The following KTN1 variants were observed in gnomAD, a reference collection of about 807,000 sequenced individuals.
The protein encoded by KTN1 is kinectin.
KTN1 carries 130 observed loss-of-function variants against 222.5 expected under a neutral mutation model. The observed-to-expected ratio is 0.58, with a 90% CI of 0.51 to 0.68. The LOEUF (loss-of-function observed/expected upper bound fraction) is 0.68, where lower values mean the gene tolerates loss of function less well. Ranked by LOEUF, KTN1 falls within the 30% of genes least tolerant of loss-of-function variation. The pLI is 0.00. For missense variants in KTN1, 1,508 were observed against 1,500.4 expected (o/e 1.01, Z -0.08); for synonymous variants, 512 against 496.3 (o/e 1.03, Z -0.42).
chr14:55,622,907 A>T (rs190501379), intron 5 of KTN1, among the ~76,000 whole-genome samples: 1 of 152,122 alleles, frequency 6.6e-6, no homozygotes, highest in Non-Finnish European at 1.5e-5. Flanking sequence ...AGCCTCATCT[A>T]ATGACATTTT....
intron 29 of KTN1, among the ~76,000 whole-genome samples, chr14:55,657,512 T>C (rs1283199251): frequency 1.3e-5 from 2 of 152,106 alleles, no homozygotes; most frequent in Non-Finnish European, 2.9e-5. Flanking sequence ...CTGACTTCAT[T>C]TGTGTTTTTC....
At chr14:55,625,761 C>A (rs1167831489) in intron 5 of KTN1, among the ~76,000 whole-genome samples, 1 of 152,034 alleles carries the variant, frequency 6.6e-6, no homozygotes, top group Non-Finnish European at 1.5e-5. Flanking sequence ...TCCAGAATTT[C>A]ATTTTTTTTT....
At chr14:55,584,348 TC>T (rs1302113809) in intron 1 of KTN1, among the ~76,000 whole-genome samples, 1 of 152,160 alleles carries the variant, frequency 6.6e-6, no homozygotes, top group Non-Finnish European at 1.5e-5. Flanking sequence ...GACGAAAAGC[TC>T]TGCCCTGATA....
At chr14:55,595,067 G>A (rs2034791144) in intron 1 of KTN1, among the ~76,000 whole-genome samples, 1 of 152,216 alleles carries the variant, frequency 6.6e-6, no homozygotes, top group African/African-American at 2.4e-5. Flanking sequence ...CAGAAAAGAC[G>A]GAGTTGTAGG....
chr14:55,683,321 G>A (rs1354029381), intron 43 of KTN1: 3 of 152,114 alleles, frequency 2.0e-5, no homozygotes, highest in Non-Finnish European at 4.4e-5. Context: ...TACAACACCC[G>A]TAAACCCTCC....
At chr14:55,666,569 T>G (rs2044771379) in intron 33 of KTN1, among the ~76,000 whole-genome samples, 1 of 151,988 alleles carries the variant, frequency 6.6e-6, no homozygotes, top group Admixed American at 6.6e-5. Flanking sequence ...ACATTTAGAC[T>G]TAGACATTTG....
At chr14:55,586,431 T>C (rs2033018518) in intron 1 of KTN1, among the ~76,000 whole-genome samples, 1 of 152,178 alleles carries the variant, frequency 6.6e-6, no homozygotes, top group Non-Finnish European at 1.5e-5. Flanking sequence ...TCATATCATA[T>C]CATATTTAAT....
At chr14:55,617,881 A>G in intron 3 of KTN1, 83 bp from the exon 4 acceptor site, 1 of 1,023,842 alleles carries the variant, frequency 9.8e-7, no homozygotes, top group South Asian at 1.9e-5. Context: ...AAAGAACTGC[A>G]TTTATCATTA....
intron 5 of KTN1, among the ~76,000 whole-genome samples, chr14:55,626,208 CA>C (rs532496956): frequency 2.8e-4 from 40 of 143,176 alleles, no homozygotes; most frequent in Admixed American, 9.7e-4. Context: ...ATATCTTTAA[CA>C]AAAAAAAAAA....
chr14:55,626,309 G>A (rs943699984), intron 5 of KTN1, among the ~76,000 whole-genome samples: 2 of 151,702 alleles, frequency 1.3e-5, no homozygotes, highest in African/African-American at 2.4e-5. Flanking sequence ...TGTTTACAGC[G>A]GCATGTGCTT....
rs1394528479 is a variant in KTN1, at chr14:55,612,014, T to C, written c.-30-5T>C. The C allele has an allele frequency of 1.6e-6, 2 of 1,234,828 alleles. No individual in the cohort carries two copies. Among genetic ancestry groups the C allele is most frequent in the African/African-American group, 1.6e-5 (1 of 64,426 alleles). The allele number at this position is 1,234,828 out of a possible 1,614,324, so 76.5% of individuals were successfully genotyped here. On this transcript the variant is annotated splice_polypyrimidine_tract_variant and splice_region_variant and intron_variant, in intron 1 of 43. Transcript: ENST00000395314. Reference sequence around the variant, plus strand: ...TTTTTTGTCCCCACCTTCTTCCCTATTTAGGTTTTATAGGATCACATTGAC... The same window carrying C: ...TTTTTTGTCCCCACCTTCTTCCCTACTTAGGTTTTATAGGATCACATTGAC...
intron 1 of KTN1, among the ~76,000 whole-genome samples, chr14:55,580,884 G>A (rs1201931499): frequency 6.6e-6 from 1 of 152,170 alleles, no homozygotes; most frequent in Non-Finnish European, 1.5e-5. Flanking sequence ...TGCCTCCGGC[G>A]GTCTGGGCGC....
chr14:55,659,698 A>G lies in KTN1; in HGVS notation c.2994A>G (p.Leu998=), dbSNP rs1282636085. 2 of 1,478,144 alleles carry G rather than the reference A, an allele frequency of 1.4e-6. No individual in the cohort carries two copies. The highest frequency in any genetic ancestry group is 1.1e-5 in the South Asian group (1 of 87,852). 91.6% of individuals were successfully genotyped at this position (1,478,144 alleles called of 1,614,324 possible). A position where few individuals can be genotyped will look rare whatever the true frequency, so the allele number is the denominator to read the frequency against. The change falls in exon 31 of 44, where the codon TTA becomes TTG. Residue 998 remains leucine (L), a synonymous_variant. Transcript: ENST00000395314. The part of the protein sequence containing the change: ...ASSFPPHEEL[L]KVISEREKEI... ...CTTTTCCCCCTCATGAAGAATTATT[A>G]AAAGTGTAAGTAATAAGTTTGAGTC...
intron 32 of KTN1, among the ~76,000 whole-genome samples, chr14:55,662,545 C>T (rs2044264034): frequency 6.6e-6 from 1 of 152,166 alleles, no homozygotes; most frequent in African/African-American, 2.4e-5. Flanking sequence ...TAACTTTTCT[C>T]ATACCAGAGG....
intron 1 of KTN1, among the ~76,000 whole-genome samples, chr14:55,610,746 T>C (rs1385296285): frequency 6.6e-6 from 1 of 152,260 alleles, no homozygotes; most frequent in Non-Finnish European, 1.5e-5. Context: ...ATGTGGCTTA[T>C]GCATGTTTGT....
intron 18 of KTN1, among the ~76,000 whole-genome samples, chr14:55,642,398 C>G (rs1325589563): frequency 1.3e-5 from 2 of 152,152 alleles, no homozygotes; most frequent in African/African-American, 2.4e-5. Flanking sequence ...AAAACTATAT[C>G]AGCTTTGAAT....
chr14:55,588,387 A>T (rs1333032468), intron 1 of KTN1, among the ~76,000 whole-genome samples: 1 of 152,162 alleles, frequency 6.6e-6, no homozygotes, highest in South Asian at 2.1e-4. Flanking sequence ...TTTCCTTGTC[A>T]TGACTTTTCT....
At chr14:55,631,650 G>A (rs1178633556) in intron 7 of KTN1, among the ~76,000 whole-genome samples, 1 of 151,970 alleles carries the variant, frequency 6.6e-6, no homozygotes, top group African/African-American at 2.4e-5. Context: ...AGGCATGGTG[G>A]CATGCCCATG....
intron 35 of KTN1, 88 bp from the exon 36 acceptor site, chr14:55,671,478 A>C (rs977913559): frequency 2.3e-6 from 2 of 852,730 alleles, no homozygotes; most frequent in Non-Finnish European, 3.7e-6. Context: ...ACCATTTATC[A>C]TAATACAGTA....
Sources: gnomAD v4.1 joint callset for allele counts (sites outside exome capture counted in the v4.1 genomes callset) on GRCh38, gnomAD v4.1.1 for gene constraint, MANE v1.5 for transcripts, NCBI Gene and HGNC (gene_info 2026-07-23, HGNC 2026-07-21) for gene names.